The following XPO6 variants were observed in gnomAD, a reference collection of about 807,000 sequenced individuals.
The protein encoded by XPO6 is exportin-6.
Under a neutral mutation model 130.0 loss-of-function variants are expected in XPO6, and 3 were observed. The observed-to-expected ratio is 0.02, with a 90% CI of 0.01 to 0.06. The LOEUF is 0.06. Ranked by LOEUF, XPO6 falls within the 10% of genes least tolerant of loss-of-function variation. The pLI, the probability that XPO6 is intolerant of heterozygous loss-of-function variation, is 1.00. For synonymous variants in XPO6, 524 were observed against 548.9 expected (o/e 0.95, Z 0.63); for missense variants, 970 against 1,393.0 (o/e 0.70, Z 4.83).
chr16:28,179,690 C>T (rs1000182554), intron 2 of XPO6, among the ~76,000 whole-genome samples: 7 of 152,226 alleles, frequency 4.6e-5, no homozygotes, highest in African/African-American at 1.7e-4. Flanking sequence ...GGCTTCCTTC[C>T]TTTCTCTGAC....
chr16:28,100,586 G>A (rs982868795), intron 23 of XPO6, among the ~76,000 whole-genome samples: 11 of 152,248 alleles, frequency 7.2e-5, no homozygotes, highest in South Asian at 2.1e-4. Flanking sequence ...TGAGCACTAC[G>A]GTGGAGCCGT....
chr16:28,112,069 C>A, intron 16 of XPO6, 63 bp from the exon 17 acceptor site: 3 of 1,528,242 alleles, frequency 2.0e-6, no homozygotes, highest in Non-Finnish European at 2.7e-6. Flanking sequence ...GCGGCATGCC[C>A]AACACAGCCT....
chr16:28,126,228 C>T (rs1019881851), intron 12 of XPO6, among the ~76,000 whole-genome samples: 1 of 152,194 alleles, frequency 6.6e-6, no homozygotes, highest in Non-Finnish European at 1.5e-5. Flanking sequence ...GTCACATTTC[C>T]GGGGCAAGGC....
rs1380737039 is a variant in XPO6, at chr16:28,132,644, AC to A, written c.1537-242del. ...ATAAGAAAGAAAACGTATTAGTTCAACCCTTTTTTTAAAAAAAAAAAAAAAG... is the reference window on the plus strand; with the variant it reads ...ATAAGAAAGAAAACGTATTAGTTCAACCTTTTTTTAAAAAAAAAAAAAAAG... On this transcript the variant is annotated intron_variant, in intron 11 of 23. Transcript: ENST00000304658. This position sits in a 1 kb window ranked among gnomAD's most constrained non-coding sequence, Gnocchi z 4.0. Among the ~76,000 whole-genome samples, 1 of 138,862 alleles carries A rather than the reference AC, an allele frequency of 7.2e-6. No individual in the cohort carries two copies. The highest frequency in any genetic ancestry group is 2.3e-4 in the South Asian group (1 of 4,342). The allele number at this position is 138,862 out of a possible 152,430, so 91.1% of individuals were successfully genotyped here.
At chr16:28,135,360 G>GCCTC in intron 9 of XPO6, 36 bp from the exon 10 acceptor site, 1 of 1,569,504 alleles carries the variant, frequency 6.4e-7, no homozygotes, top group Non-Finnish European at 8.8e-7. Context: ...TTGAAAGGAG[G>GCCTC]CTTTCAGCTT....
chr16:28,151,807 C>T (rs955788669), intron 8 of XPO6, among the ~76,000 whole-genome samples: 3 of 152,178 alleles, frequency 2.0e-5, no homozygotes, highest in African/African-American at 7.2e-5. Context: ...ACAGGAGGCT[C>T]ACTTGAGGCC....
At position 28,106,225 on chromosome 16, in the gene XPO6, G is replaced by T. The variant is rs201532579; in HGVS notation, c.2613-11C>A. 1,275 of 1,613,582 alleles carry T rather than the reference G, an allele frequency of 7.9e-4. 1 individual carries two copies. Among genetic ancestry groups the T allele is most frequent in the Non-Finnish European group, 9.7e-4 (1,139 of 1,179,654 alleles). ...TCGGCTAACTGCTCTCTACAGAGGA[G>T]AAAGCCACACAGTGAGCAACCACAT... On this transcript the variant is annotated splice_polypyrimidine_tract_variant and intron_variant, in intron 19 of 23. Coordinates refer to ENST00000304658, the MANE Select transcript of XPO6 (RefSeq NM_015171.4). This position sits in a 1 kb window ranked among gnomAD's most constrained non-coding sequence, Gnocchi z 4.2.
chr16:28,175,571 A>C (rs1392283502), intron 4 of XPO6, among the ~76,000 whole-genome samples: 1 of 152,090 alleles, frequency 6.6e-6, no homozygotes, highest in African/African-American at 2.4e-5. Context: ...TTGCACAGCT[A>C]TTTCCCCCAC....
At chr16:28,105,725 GA>G (rs1360991284) in intron 20 of XPO6, 6 of 250,904 alleles carry the variant, frequency 2.4e-5, no homozygotes, top group Non-Finnish European at 4.6e-5. Context: ...TTTCTAATAG[GA>G]AAGTACATAT....
chr16:28,208,446 C>G (rs1274075313), intron 1 of XPO6, among the ~76,000 whole-genome samples: 1 of 152,156 alleles, frequency 6.6e-6, no homozygotes, highest in African/African-American at 2.4e-5. Context: ...CTTTGGGGGA[C>G]AGGGCCTACC....
intron 11 of XPO6, among the ~76,000 whole-genome samples, chr16:28,133,459 C>T (rs1596843980): frequency 6.6e-6 from 1 of 152,174 alleles, no homozygotes; most frequent in Non-Finnish European, 1.5e-5. Context: ...CTAAAGATTC[C>T]AGCACGTATA....
rs1567613104 is a variant in XPO6 at position 28,135,302 on chromosome 16, G to A, written c.1357C>T (p.Leu453=). The change falls in exon 10 of 24, where the codon CTG becomes TTG. Residue 453 remains leucine (L), a synonymous_variant. Transcript: ENST00000304658. ...LNRYEDALVL[L]LTEVLNRIQF... is the part of the protein sequence containing the mutation. ...ATTCGATTCAACACCTCTGTGAGCA[G>A]GAGCACCAGGGCATCTTCGTACCTA... The A allele has an allele frequency of 1.9e-6, 3 of 1,613,784 alleles. No individual in the cohort carries two copies. The highest frequency in any genetic ancestry group is 4.5e-5 in the East Asian group (2 of 44,874).
At chr16:28,141,152 A>G (rs2042884449) in intron 9 of XPO6, among the ~76,000 whole-genome samples, 1 of 152,170 alleles carries the variant, frequency 6.6e-6, no homozygotes, top group Non-Finnish European at 1.5e-5. Flanking sequence ...AAAAGCAAGG[A>G]GCAGTTTTTC....
chr16:28,162,060 C>T (rs1334021737), intron 6 of XPO6, among the ~76,000 whole-genome samples: 1 of 152,110 alleles, frequency 6.6e-6, no homozygotes, highest in African/African-American at 2.4e-5. Flanking sequence ...TATGTGAAGA[C>T]AAAGACTGAA....
Position 28,107,689 on chromosome 16 carries a change from G to A in XPO6, c.2342-12C>T. 6.2e-7 allele frequency: 1 copy of A among 1,613,328 alleles called. No individual in the cohort carries two copies. The highest frequency in any genetic ancestry group is 8.5e-7 in the Non-Finnish European group (1 of 1,179,784). ...GATAATCAGTTTGGCTGCAAATCAA[G>A]ATGAGTTGCAGGTTATAAGCTGTCT... On this transcript the variant is annotated splice_polypyrimidine_tract_variant and intron_variant, in intron 17 of 23. Transcript: ENST00000304658.
intron 23 of XPO6, among the ~76,000 whole-genome samples, chr16:28,100,871 C>T (rs1012691258): frequency 6.6e-6 from 1 of 152,102 alleles, no homozygotes; most frequent in African/African-American, 2.4e-5. Flanking sequence ...AGGTGCTGCA[C>T]GGGTGGGGAC....
At position 28,195,324 on chromosome 16, in the gene XPO6, T is replaced by C. The variant is rs143065696; in HGVS notation, c.4-14293A>G. On this transcript the variant is annotated intron_variant, in intron 1 of 23. Coordinates refer to ENST00000304658, the MANE Select transcript of XPO6 (RefSeq NM_015171.4). ...AACTTAAATTTCCATCAAGGCAGGA[T>C]TGGTTAAATAAGGTACATCCACACT... Among the ~76,000 whole-genome samples, 65 of 152,238 alleles carry C rather than the reference T, an allele frequency of 4.3e-4. 1 individual carries two copies. The East Asian group carries it at 9.5e-3, about 22-fold the overall frequency.
chr16:28,189,452 C>G (rs990611630), intron 1 of XPO6, among the ~76,000 whole-genome samples: 10 of 152,044 alleles, frequency 6.6e-5, no homozygotes, highest in Admixed American at 1.3e-4. Context: ...AGAATCTCAG[C>G]CCCAGCCACA....
intron 1 of XPO6, among the ~76,000 whole-genome samples, chr16:28,198,277 G>A (rs1460607848): frequency 2.0e-5 from 3 of 151,866 alleles, no homozygotes; most frequent in African/African-American, 7.3e-5. Context: ...TAGGAAAAAA[G>A]ACTAGAAGGA....
Sources: gnomAD v4.1 joint callset for allele counts (sites outside exome capture counted in the v4.1 genomes callset) on GRCh38, gnomAD v4.1.1 for gene constraint, Gnocchi (gnomAD v3.1) non-coding constraint, MANE v1.5 for transcripts, NCBI Gene and HGNC (gene_info 2026-07-23, HGNC 2026-07-21) for gene names.